The following MAGEA1 variants were observed in gnomAD, a reference collection of about 807,000 sequenced individuals.
MAGEA1 encodes the protein MAGE family member A1, also known as melanoma-associated antigen 1.
For missense variants in MAGEA1, 182 were observed against 233.7 expected (o/e 0.78, Z 1.44); for synonymous variants, 101 against 96.7 (o/e 1.04, Z -0.26).
At position 153,182,456 on chromosome X, in the gene MAGEA1, C is replaced by G; in HGVS notation, c.67C>G (p.Leu23Val). The change falls in exon 3 of 3, where the codon CTG (leucine) becomes GTG (valine). Residue 23 changes from leucine (L) to valine (V), a missense_variant. Physicochemically the swap from Leu to Val is conservative, Grantham distance 32. Coordinates refer to ENST00000356661, the MANE Select transcript of MAGEA1 (RefSeq NM_004988.5). ...AGCCCTTGAGGCCCAACAAGAGGCCCTGGGCCTGGTGTGTGTGCAGGCTGC... is the reference window on the plus strand; with the variant it reads ...AGCCCTTGAGGCCCAACAAGAGGCCGTGGGCCTGGTGTGTGTGCAGGCTGC... ...EEALEAQQEA[L>V]GLVCVQAATS... is the part of the protein sequence containing the mutation. 1 of 1,211,289 alleles carries G rather than the reference C, an allele frequency of 8.3e-7. No individual in the cohort carries two copies. Among genetic ancestry groups the G allele is most frequent in the Non-Finnish European group, 1.1e-6 (1 of 895,194 alleles).
At position 153,182,508 on chromosome X, in the gene MAGEA1, T is replaced by G. The variant is rs1266852633; in HGVS notation, c.119T>G (p.Leu40Arg). The G allele has an allele frequency of 8.3e-7, 1 of 1,209,697 alleles. No homozygotes were observed. Among genetic ancestry groups the G allele is most frequent in the Non-Finnish European group, 1.1e-6 (1 of 894,855 alleles). ...ACCTCCTCCTCCTCTCCTCTGGTCCTGGGCACCCTGGAGGAGGTGCCCACT... is the reference window on the plus strand; with the variant it reads ...ACCTCCTCCTCCTCTCCTCTGGTCCGGGGCACCCTGGAGGAGGTGCCCACT... Reference protein sequence around the residue: ...AATSSSSPLVLGTLEEVPTAG... With the variant: ...AATSSSSPLVRGTLEEVPTAG... The change falls in exon 3 of 3, where the codon CTG becomes CGG. Residue 40 changes from leucine (L) to arginine (R), a missense_variant. Coordinates refer to ENST00000356661, the MANE Select transcript of MAGEA1 (RefSeq NM_004988.5).
Position 153,182,611 on chromosome X carries a change from G to C in MAGEA1, c.222G>C (p.Arg74Ser). 8.3e-7 allele frequency: 1 copy of C among 1,211,633 alleles called. No individual in the cohort carries two copies. The highest frequency in any genetic ancestry group is 2.3e-4 in the Middle Eastern group (1 of 4,354). ...FPTTINFTRQRQPSEGSSSRE... is the reference protein window; with the variant it reads ...FPTTINFTRQSQPSEGSSSRE... Reference sequence around the variant, plus strand: ...CTACCATCAACTTCACTCGACAGAGGCAACCCAGTGAGGGTTCCAGCAGCC... The same window carrying C: ...CTACCATCAACTTCACTCGACAGAGCCAACCCAGTGAGGGTTCCAGCAGCC... Residue 74 changes from arginine to serine, a missense_variant, in exon 3 of 3, where the codon AGG becomes AGC. By Grantham distance (110) the Arg-to-Ser change is moderately radical. Coordinates refer to ENST00000356661, the MANE Select transcript of MAGEA1 (RefSeq NM_004988.5).
rs2051500626 is a variant in MAGEA1, at chrX:153,182,513, A to G, written c.124A>G (p.Thr42Ala). 1.7e-6 allele frequency: 2 copies of G among 1,209,241 alleles called. No individual in the cohort carries two copies. The highest frequency in any genetic ancestry group is 3.5e-5 in the South Asian group (2 of 56,770). ...CTCCTCCTCTCCTCTGGTCCTGGGC[A>G]CCCTGGAGGAGGTGCCCACTGCTGG... Reference protein sequence around the residue: ...TSSSSPLVLGTLEEVPTAGST... With the variant: ...TSSSSPLVLGALEEVPTAGST... Residue 42 changes from threonine to alanine, a missense_variant, in exon 3 of 3, where the codon ACC becomes GCC. Coordinates refer to ENST00000356661, the MANE Select transcript of MAGEA1 (RefSeq NM_004988.5).
At chrX:153,180,670 G>T (rs2051488326) in intron 1 of MAGEA1, among the ~76,000 whole-genome samples, 1 of 111,903 alleles carries the variant, frequency 8.9e-6, no homozygotes, top group Non-Finnish European at 1.9e-5. Context: ...TTAGCATGGG[G>T]GTGGGACCCA....
rs782043198 is a variant in MAGEA1, at chrX:153,182,583, C to T, written c.194C>T (p.Pro65Leu). Residue 65 changes from proline (P) to leucine (L), a missense_variant, in exon 3 of 3, where the codon CCC (proline) becomes CTC (leucine). By Grantham distance (98) the Pro-to-Leu change is moderately conservative. Transcript: ENST00000356661. Reference protein sequence around the residue: ...PQSPQGASAFPTTINFTRQRQ... With the variant: ...PQSPQGASAFLTTINFTRQRQ... The stretch of plus-strand genomic sequence containing the variant: ...AGTCCTCAGGGAGCCTCCGCCTTTC[C>T]CACTACCATCAACTTCACTCGACAG... The T allele has an allele frequency of 3.2e-5, 39 of 1,209,693 alleles. No individual in the cohort carries two copies. Among genetic ancestry groups the T allele is most frequent in the Non-Finnish European group, 4.2e-5 (38 of 895,111 alleles).
In MAGEA1 at chrX:153,183,552, T is replaced by C. The variant is rs923211987; in HGVS notation, c.*233T>C. 131 of 424,415 alleles carry C rather than the reference T, an allele frequency of 3.1e-4. No individual in the cohort carries two copies. Among genetic ancestry groups the C allele is most frequent in the Middle Eastern group, 6.6e-4 (1 of 1,517 alleles). The allele number at this position is 424,415 out of a possible 1,213,427, so 35.0% of individuals were successfully genotyped here. ...TTTTTAAGGGATGGTTGAATGAACT[T>C]CAGCATCCAAGTTTATGAATGACAG... On this transcript the variant is annotated 3_prime_UTR_variant, in exon 3 of 3. Transcript: ENST00000356661.
Position 153,183,318 on chromosome X carries a change from G to A in MAGEA1, c.929G>A (p.Ter310=). Residue 310 remains the stop codon, a stop_retained_variant, in exon 3 of 3, where the codon TGA becomes TAA. Transcript: ENST00000356661. ...TTGAGAGAGGAGGAAGAGGGAGTCTGAGCATGAGTTGCAGCCAAGGCCAGT... is the reference window on the plus strand; with the variant it reads ...TTGAGAGAGGAGGAAGAGGGAGTCTAAGCATGAGTTGCAGCCAAGGCCAGT... The part of the protein sequence containing the change: ...AALREEEEGV[*] 1 of 1,203,304 alleles carries A rather than the reference G, an allele frequency of 8.3e-7. No individual in the cohort carries two copies. Among genetic ancestry groups the A allele is most frequent in the Non-Finnish European group, 1.1e-6 (1 of 890,436 alleles).
chrX:153,183,261 G>A lies in MAGEA1; in HGVS notation c.872G>A (p.Arg291His). The A allele has an allele frequency of 8.3e-7, 1 of 1,211,856 alleles. No homozygotes were observed. Among genetic ancestry groups the A allele is most frequent in the Non-Finnish European group, 1.1e-6 (1 of 895,458 alleles). The part of the protein sequence containing the change: ...EYVIKVSARV[R>H]FFFPSLREAA... ...GTGATCAAGGTCAGTGCAAGAGTTC[G>A]CTTTTTCTTCCCATCCCTGCGTGAA... Residue 291 changes from arginine to histidine, a missense_variant, in exon 3 of 3, where the codon CGC (arginine) becomes CAC (histidine). Arg to His is a conservative substitution (Grantham distance 29). Coordinates refer to ENST00000356661, the MANE Select transcript of MAGEA1 (RefSeq NM_004988.5).
At chrX:153,179,744 A>G (rs1355486188) in intron 1 of MAGEA1, among the ~76,000 whole-genome samples, 1 of 76,668 alleles carries the variant, frequency 1.3e-5, no homozygotes, top group Non-Finnish European at 2.5e-5. Flanking sequence ...CCCCATCCCT[A>G]CTCCTACTCC....
In MAGEA1 at chrX:153,182,377, G is replaced by T; in HGVS notation, c.-13G>T. 8.3e-7 allele frequency: 1 copy of T among 1,202,336 alleles called. No individual in the cohort carries two copies. Reference sequence around the variant, plus strand: ...TGCCCACACTCCTGCCTGCTGCCCTGACGAGAGTCATCATGTCTCTTGAGC... The same window carrying T: ...TGCCCACACTCCTGCCTGCTGCCCTTACGAGAGTCATCATGTCTCTTGAGC... On this transcript the variant is annotated 5_prime_UTR_variant, in exon 3 of 3. Coordinates refer to ENST00000356661, the MANE Select transcript of MAGEA1 (RefSeq NM_004988.5).
chrX:153,183,000 T>C lies in MAGEA1; in HGVS notation c.611T>C (p.Met204Thr). ...FLIIVLVMIA[M>T]EGGHAPEEEI... ...ATAATTGTCCTGGTCATGATTGCAATGGAGGGCGGCCATGCTCCTGAGGAG... is the reference window on the plus strand; with the variant it reads ...ATAATTGTCCTGGTCATGATTGCAACGGAGGGCGGCCATGCTCCTGAGGAG... Residue 204 changes from methionine to threonine, a missense_variant, in exon 3 of 3, where the codon ATG (methionine) becomes ACG (threonine). Met to Thr is a moderately conservative substitution (Grantham distance 81, BLOSUM62 -1). Coordinates refer to ENST00000356661, the MANE Select transcript of MAGEA1 (RefSeq NM_004988.5). 1 of 1,211,545 alleles carries C rather than the reference T, an allele frequency of 8.3e-7. No homozygotes were observed.
chrX:153,180,469 C>T (rs2051487079), intron 1 of MAGEA1, among the ~76,000 whole-genome samples: 1 of 111,551 alleles, frequency 9.0e-6, no homozygotes, highest in African/African-American at 3.3e-5. Context: ...GCCAGGCACT[C>T]GGATCTTGAC....
rs782788272 is a variant in MAGEA1, at chrX:153,183,203, G to T, written c.814G>T (p.Ala272Ser). ...YEFLWGPRAL[A>S]ETSYVKVLEY... ...GTTCCTGTGGGGTCCAAGGGCCCTC[G>T]CTGAAACCAGCTATGTGAAAGTCCT... Residue 272 changes from alanine (A) to serine (S), a missense_variant, in exon 3 of 3, where the codon GCT becomes TCT. Ala to Ser is a moderately conservative substitution (Grantham distance 99). Transcript: ENST00000356661. 1 of 1,212,140 alleles carries T rather than the reference G, an allele frequency of 8.2e-7. No individual in the cohort carries two copies. Among genetic ancestry groups the T allele is most frequent in the Admixed American group, 2.2e-5 (1 of 46,112 alleles).
chrX:153,180,395 C>T (rs1305900672), intron 1 of MAGEA1, among the ~76,000 whole-genome samples: 1 of 111,365 alleles, frequency 9.0e-6, no homozygotes. Flanking sequence ...ATACCTACCC[C>T]CTACCCCCAA....
rs781891821 is a variant in MAGEA1 at position 153,182,410 on chromosome X, T to G, written c.21T>G (p.Ser7Arg). The change falls in exon 3 of 3, where the codon AGT becomes AGG. Residue 7 changes from serine to arginine, a missense_variant. Coordinates refer to ENST00000356661, the MANE Select transcript of MAGEA1 (RefSeq NM_004988.5). ...TCATCATGTCTCTTGAGCAGAGGAG[T>G]CTGCACTGCAAGCCTGAGGAAGCCC... is the stretch of plus-strand genomic sequence containing the variant. Reference protein sequence around the residue: MSLEQRSLHCKPEEALE... With the variant: MSLEQRRLHCKPEEALE... 3 of 1,207,967 alleles carry G rather than the reference T, an allele frequency of 2.5e-6. No homozygotes were observed. The highest frequency in any genetic ancestry group is 3.4e-6 in the Non-Finnish European group (3 of 894,303).
chrX:153,183,419 A>T lies in MAGEA1; in HGVS notation c.*100A>T. On this transcript the variant is annotated 3_prime_UTR_variant, in exon 3 of 3. Coordinates refer to ENST00000356661, the MANE Select transcript of MAGEA1 (RefSeq NM_004988.5). ...CCCTGCCTCGTGTGACATGAGGCCC[A>T]TTCTTCACTCTGAAGAGAGCGGTCA... The T allele has an allele frequency of 7.3e-6, 6 of 819,643 alleles. No homozygotes were observed. Among genetic ancestry groups the T allele is most frequent in the Non-Finnish European group, 1.1e-5 (6 of 562,750 alleles). 67.5% of individuals were successfully genotyped at this position (819,643 alleles called of 1,213,427 possible).
chrX:153,180,984 G>A (rs1369912332), intron 1 of MAGEA1, among the ~76,000 whole-genome samples: 1 of 110,688 alleles, frequency 9.0e-6, no homozygotes, highest in Admixed American at 9.5e-5. Flanking sequence ...GTAGCTCTAG[G>A]GGGACCAGAT....
chrX:153,182,356 C>G lies in MAGEA1; in HGVS notation c.-34C>G. 8.5e-7 allele frequency: 1 copy of G among 1,170,824 alleles called. No homozygotes were observed. ...GGGTCTTCATTGCCCAGCTCCTGCC[C>G]ACACTCCTGCCTGCTGCCCTGACGA... On this transcript the variant is annotated 5_prime_UTR_variant, in exon 3 of 3. Coordinates refer to ENST00000356661, the MANE Select transcript of MAGEA1 (RefSeq NM_004988.5).
rs781905272 is a variant in MAGEA1 at position 153,182,558 on chromosome X, A to G, written c.169A>G (p.Ser57Gly). Residue 57 changes from serine to glycine, a missense_variant, in exon 3 of 3, where the codon AGT (serine) becomes GGT (glycine). By Grantham distance (56) the Ser-to-Gly change is moderately conservative. Coordinates refer to ENST00000356661, the MANE Select transcript of MAGEA1 (RefSeq NM_004988.5). ...TGCTGGGTCAACAGATCCTCCCCAG[A>G]GTCCTCAGGGAGCCTCCGCCTTTCC... ...PTAGSTDPPQ[S>G]PQGASAFPTT... 2 of 1,209,693 alleles carry G rather than the reference A, an allele frequency of 1.7e-6. No homozygotes were observed. The highest frequency in any genetic ancestry group is 2.2e-6 in the Non-Finnish European group (2 of 895,109).
Sources: gnomAD v4.1 joint callset for allele counts (sites outside exome capture counted in the v4.1 genomes callset) on GRCh38, gnomAD v4.1.1 for gene constraint, MANE v1.5 for transcripts, NCBI Gene and HGNC (gene_info 2026-07-23, HGNC 2026-07-21) for gene names.